Variants in FHIT observed in about 807,000 individuals in gnomAD.
The protein encoded by FHIT is bis(5'-adenosyl)-triphosphatase.
Under a neutral mutation model 17.9 loss-of-function variants are expected in FHIT, and 19 were observed. The ratio of observed to expected loss-of-function variants is 1.06; its 90% CI spans 0.74 to 1.56. The LOEUF (loss-of-function observed/expected upper bound fraction) is 1.56, where lower values mean the gene tolerates loss of function less well. FHIT is among the 40% of genes most tolerant of loss of function. The probability of loss-of-function intolerance (pLI) is 0.00; values close to 1 mark genes in which losing one functional copy is unlikely to be tolerated. For synonymous variants in FHIT, 81 were observed against 69.7 expected (o/e 1.16, Z -0.81); for missense variants, 248 against 189.2 (o/e 1.31, Z -1.82).
chr3:60,522,169 G>A (rs1354655196), intron 5 of FHIT, among the ~76,000 whole-genome samples: 1 of 146,476 alleles, frequency 6.8e-6, no homozygotes, highest in Non-Finnish European at 1.5e-5. Flanking sequence ...TTGTGCAGTG[G>A]CACGATCTGA....
chr3:60,892,886 A>G (rs1705592378), intron 3 of FHIT, among the ~76,000 whole-genome samples: 1 of 152,248 alleles, frequency 6.6e-6, no homozygotes, highest in Admixed American at 6.5e-5. Flanking sequence ...CCATGCATGG[A>G]TTAAAAAAAT....
chr3:60,385,775 A>T (rs755388068), intron 5 of FHIT, among the ~76,000 whole-genome samples: 1 of 151,968 alleles, frequency 6.6e-6, no homozygotes, highest in African/African-American at 2.4e-5. Context: ...ATGGTGTCTT[A>T]CTACATTGCC....
chr3:60,230,549 G>T (rs1373090420), intron 5 of FHIT, among the ~76,000 whole-genome samples: 1 of 152,126 alleles, frequency 6.6e-6, no homozygotes, highest in Non-Finnish European at 1.5e-5. Context: ...TAATGAACAT[G>T]TAAGCTCACT....
chr3:60,465,466 G>A (rs533730487), intron 5 of FHIT, among the ~76,000 whole-genome samples: 2 of 152,048 alleles, frequency 1.3e-5, no homozygotes, highest in Admixed American at 6.6e-5. Context: ...TCTTTGCCAA[G>A]ACCAATGTCC....
In FHIT at chr3:60,477,430, G is replaced by A. The variant is rs188422947; in HGVS notation, c.103+59430C>T. Among the ~76,000 whole-genome samples, 241 of 152,192 alleles carry A rather than the reference G, an allele frequency of 1.6e-3. 2 individuals are homozygous for A. Among genetic ancestry groups the A allele is most frequent in the Middle Eastern group, 0.014 (4 of 292 alleles). On this transcript the variant is annotated intron_variant, in intron 5 of 9. Transcript: ENST00000492590. The stretch of plus-strand genomic sequence containing the variant: ...GCCTGCCTTTGGATTTCTTTTGCTG[G>A]GTTTTCTATTAAGTCTTCTCTGACA...
At chr3:59,984,331 A>C (rs1708792396) in intron 7 of FHIT, among the ~76,000 whole-genome samples, 1 of 152,042 alleles carries the variant, frequency 6.6e-6, no homozygotes, top group Admixed American at 6.6e-5. Context: ...GGAAAAAAGA[A>C]ATCTACTACA....
chr3:59,801,150 G>A (rs189663846), intron 8 of FHIT, among the ~76,000 whole-genome samples: 2 of 152,268 alleles, frequency 1.3e-5, no homozygotes, highest in African/African-American at 4.8e-5. Flanking sequence ...AGCACTGTAT[G>A]CCAGGCCTGT....
chr3:61,108,049 C>G (rs1183170733), intron 2 of FHIT, among the ~76,000 whole-genome samples: 2 of 152,214 alleles, frequency 1.3e-5, no homozygotes, highest in East Asian at 3.9e-4. Flanking sequence ...CTTGATCTAA[C>G]AAACCATTCT....
intron 5 of FHIT, among the ~76,000 whole-genome samples, chr3:60,125,187 C>A (rs58595175): frequency 6.6e-6 from 1 of 152,014 alleles, no homozygotes; most frequent in Non-Finnish European, 1.5e-5. Context: ...AGATGAAGAG[C>A]CAGCCAGGGT....
chr3:60,973,352 A>G (rs1710104297), intron 3 of FHIT, among the ~76,000 whole-genome samples: 1 of 152,178 alleles, frequency 6.6e-6, no homozygotes, highest in Non-Finnish European at 1.5e-5. Flanking sequence ...TCTGTGAGAC[A>G]CTGAGACTGC....
At chr3:60,670,430 T>G (rs1559628146) in intron 4 of FHIT, among the ~76,000 whole-genome samples, 3 of 152,200 alleles carry the variant, frequency 2.0e-5, no homozygotes, top group African/African-American at 2.4e-5. Flanking sequence ...TGTCTCCTCC[T>G]TTGTGTACAG....
chr3:60,176,220 T>C lies in FHIT; in HGVS notation c.104-162068A>G, dbSNP rs186731125. On this transcript the variant is annotated intron_variant, in intron 5 of 9. Transcript: ENST00000492590. ...TACAAAAATTAGCCGGGCATGTTGG[T>C]ATGTGCCTGTAATCCCAGCTACTCA... is the stretch of plus-strand genomic sequence containing the variant. 2.0e-5 allele frequency among the ~76,000 whole-genome samples: 3 copies of C among 152,076 alleles called. No individual in the cohort carries two copies. In the East Asian group the frequency reaches 5.8e-4, roughly 29 times the overall value.
chr3:60,961,371 C>G (rs1437882628), intron 3 of FHIT, among the ~76,000 whole-genome samples: 1 of 152,118 alleles, frequency 6.6e-6, no homozygotes, highest in Non-Finnish European at 1.5e-5. Flanking sequence ...TTATCCCATT[C>G]TGTAGGTTGC....
chr3:60,203,566 A>C (rs1210077372), intron 5 of FHIT, among the ~76,000 whole-genome samples: 1 of 152,198 alleles, frequency 6.6e-6, no homozygotes, highest in African/African-American at 2.4e-5. Flanking sequence ...GATTTTAGTG[A>C]TGTGTCTGTG....
chr3:60,100,609 C>A (rs1304121167), intron 5 of FHIT, among the ~76,000 whole-genome samples: 1 of 152,168 alleles, frequency 6.6e-6, no homozygotes. Flanking sequence ...CCAGAAACCC[C>A]TCTCTGGTCT....
intron 8 of FHIT, among the ~76,000 whole-genome samples, chr3:59,840,688 T>C (rs1373180637): frequency 2.0e-5 from 3 of 152,122 alleles, no homozygotes; most frequent in Non-Finnish European, 4.4e-5. Flanking sequence ...CGTGGTTACA[T>C]CACTCAACGT....
chr3:59,787,228 G>A (rs1699344641), intron 8 of FHIT, among the ~76,000 whole-genome samples: 1 of 152,078 alleles, frequency 6.6e-6, no homozygotes, highest in South Asian at 2.1e-4. Context: ...GACCAAGCCA[G>A]GATTTAGTCC....
chr3:60,453,113 C>A (rs2031855877), intron 5 of FHIT, among the ~76,000 whole-genome samples: 1 of 151,878 alleles, frequency 6.6e-6, no homozygotes, highest in African/African-American at 2.4e-5. Flanking sequence ...CTTTTATGAG[C>A]CAAATTACAG....
intron 2 of FHIT, among the ~76,000 whole-genome samples, chr3:61,043,193 CG>C (rs1021460355): frequency 1.3e-5 from 2 of 152,138 alleles, no homozygotes; most frequent in Non-Finnish European, 2.9e-5. Context: ...CAGGGAATTC[CG>C]TTTCCTAGCC....
Sources: allele counts gnomAD v4.1 joint callset (sites outside exome capture counted in the v4.1 genomes callset), GRCh38; gene constraint gnomAD v4.1.1; transcripts MANE v1.5; gene names NCBI Gene and HGNC (gene_info 2026-07-23, HGNC 2026-07-21).